The following KLHL29 variants were observed in gnomAD, a reference collection of about 807,000 sequenced individuals.
The protein encoded by KLHL29 is kelch like family member 29.
KLHL29 carries 21 observed loss-of-function variants against 80.4 expected under a neutral mutation model. The observed-to-expected ratio is 0.26, with a 90% CI of 0.19 to 0.38. The LOEUF (loss-of-function observed/expected upper bound fraction) is 0.38, where lower values mean the gene tolerates loss of function less well. Ranked by LOEUF, KLHL29 falls within the 10% of genes least tolerant of loss-of-function variation. The pLI, the probability that KLHL29 is intolerant of heterozygous loss-of-function variation, is 1.00. For missense variants in KLHL29, 867 were observed against 1,223.9 expected, an observed-to-expected ratio of 0.71 and a Z score of 4.35; for synonymous variants, 511 against 526.8, an observed-to-expected ratio of 0.97 and a Z score of 0.41.
chr2:23,675,565 C>G (rs550135310), intron 5 of KLHL29, among the ~76,000 whole-genome samples: 12 of 152,298 alleles, frequency 7.9e-5, no homozygotes, highest in African/African-American at 2.9e-4. Flanking sequence ...TGGAGAGAAC[C>G]CTGTTCTGCA....
intron 6 of KLHL29, among the ~76,000 whole-genome samples, chr2:23,687,765 C>T (rs960941636): frequency 6.6e-6 from 1 of 152,290 alleles, no homozygotes; most frequent in African/African-American, 2.4e-5. Flanking sequence ...GGGAGGGGGT[C>T]TCAGGTCCCA....
At chr2:23,588,082 G>C (rs527238949) in intron 3 of KLHL29, among the ~76,000 whole-genome samples, 4 of 152,308 alleles carry the variant, frequency 2.6e-5, no homozygotes, top group Admixed American at 2.6e-4. Context: ...TGACAATTCT[G>C]GATGACCTGG....
In KLHL29 at chr2:23,703,916, AG is replaced by A. The variant is rs1197240809; in HGVS notation, c.2444+57del. ...GCTGGGACGGAGGAGTGGGAGGAGG[AG>A]GGGTGTGACCACAATGATTTCCTGC... On this transcript the variant is annotated intron_variant, in intron 13 of 13. Transcript: ENST00000486442. 2.0e-6 allele frequency: 3 copies of A among 1,497,630 alleles called. No homozygotes were observed. The African/African-American group carries it at 4.2e-5, about 21-fold the overall frequency. The allele number at this position is 1,497,630 out of a possible 1,614,324, so 92.8% of individuals were successfully genotyped here.
chr2:23,647,866 G>A lies in KLHL29; in HGVS notation c.940+5016G>A, dbSNP rs571044212. 2.6e-4 allele frequency among the ~76,000 whole-genome samples: 39 copies of A among 152,160 alleles called. No homozygotes were observed. Among genetic ancestry groups the A allele is most frequent in the Non-Finnish European group, 4.9e-4 (33 of 68,008 alleles). On this transcript the variant is annotated intron_variant, in intron 5 of 13. Coordinates refer to ENST00000486442, the MANE Select transcript of KLHL29 (RefSeq NM_052920.2). The surrounding 1 kb of genome is among the most constrained non-coding windows in gnomAD (Gnocchi z 4.9). ...GTGAGACCATTCGACTGTGAGCCCC[G>A]GGGTCAGGGGCAGCAAGGATGCTAT... is the stretch of plus-strand genomic sequence containing the variant.
chr2:23,556,413 C>T (rs1460604235), intron 2 of KLHL29, among the ~76,000 whole-genome samples: 1 of 151,612 alleles, frequency 6.6e-6, no homozygotes, highest in Admixed American at 6.6e-5. Context: ...CCAAAGTGGG[C>T]GGATCACTTG....
chr2:23,484,153 A>G (rs915738206), intron 2 of KLHL29, among the ~76,000 whole-genome samples: 2 of 152,148 alleles, frequency 1.3e-5, no homozygotes, highest in East Asian at 1.9e-4. Context: ...AGGTCACAGA[A>G]TGACCATCGC....
chr2:23,533,752 G>A (rs1666575787), intron 2 of KLHL29, among the ~76,000 whole-genome samples: 1 of 152,188 alleles, frequency 6.6e-6, no homozygotes, highest in South Asian at 2.1e-4. Context: ...ATTTCCTTGT[G>A]CTGACAATCT....
intron 2 of KLHL29, chr2:23,524,368 A>C: frequency 5.3e-6 from 1 of 187,176 alleles, no homozygotes; most frequent in South Asian, 1.1e-4. Context: ...AGGCCAGGAA[A>C]TACCTTTAGG....
At chr2:23,536,668 G>C (rs1358011089) in intron 2 of KLHL29, among the ~76,000 whole-genome samples, 1 of 152,136 alleles carries the variant, frequency 6.6e-6, no homozygotes, top group Admixed American at 6.5e-5. Context: ...CTTGAGTCCT[G>C]ATCTCTCTCC....
At chr2:23,433,896 G>A (rs1572509053) in intron 1 of KLHL29, among the ~76,000 whole-genome samples, 1 of 152,186 alleles carries the variant, frequency 6.6e-6, no homozygotes, top group Admixed American at 6.5e-5. Flanking sequence ...TCCAGCCTGG[G>A]CAATAGAGCA....
chr2:23,577,024 AC>A (rs1667859332), intron 3 of KLHL29, among the ~76,000 whole-genome samples: 1 of 151,766 alleles, frequency 6.6e-6, no homozygotes, highest in African/African-American at 2.4e-5. Context: ...GTCCTGAAGG[AC>A]TCCACCACCT....
chr2:23,544,022 AT>A (rs1456803025), intron 2 of KLHL29, among the ~76,000 whole-genome samples: 2 of 152,206 alleles, frequency 1.3e-5, no homozygotes, highest in East Asian at 3.8e-4. Flanking sequence ...CCCCTTCCCC[AT>A]GGCCGCTGGC....
At chr2:23,470,237 T>C (rs965617271) in intron 1 of KLHL29, among the ~76,000 whole-genome samples, 3 of 152,166 alleles carry the variant, frequency 2.0e-5, no homozygotes, top group African/African-American at 7.2e-5. Flanking sequence ...GGAAGCCTCC[T>C]TGGGTGGCAC....
At chr2:23,571,370 G>C (rs1366267249) in intron 3 of KLHL29, among the ~76,000 whole-genome samples, 1 of 152,164 alleles carries the variant, frequency 6.6e-6, no homozygotes, top group Non-Finnish European at 1.5e-5. Context: ...GGTCTGTAGT[G>C]GGCATTGCTG....
chr2:23,501,460 G>A (rs1242967378), intron 2 of KLHL29, among the ~76,000 whole-genome samples: 1 of 152,118 alleles, frequency 6.6e-6, no homozygotes, highest in Non-Finnish European at 1.5e-5. Context: ...CATGGGCATC[G>A]AGGACAGGAC....
intron 2 of KLHL29, among the ~76,000 whole-genome samples, chr2:23,532,915 G>A (rs73919740): frequency 2.4e-4 from 36 of 152,204 alleles, no homozygotes; most frequent in African/African-American, 8.7e-4. Context: ...GTGTGTGCAC[G>A]TGGGCCGAGA....
chr2:23,460,899 C>G (rs940023888), intron 1 of KLHL29, among the ~76,000 whole-genome samples: 16 of 152,142 alleles, frequency 1.1e-4, no homozygotes, highest in African/African-American at 3.9e-4. Flanking sequence ...TCCAGCAGTT[C>G]CGGGCAGAGG....
chr2:23,394,159 G>A (rs1474042400), intron 1 of KLHL29, among the ~76,000 whole-genome samples: 3 of 152,238 alleles, frequency 2.0e-5, no homozygotes, highest in Non-Finnish European at 4.4e-5. Flanking sequence ...GTGGTGAAGA[G>A]CGGTGAAATT....
chr2:23,469,060 T>C (rs1012141184), intron 1 of KLHL29, among the ~76,000 whole-genome samples: 1 of 152,222 alleles, frequency 6.6e-6, no homozygotes, highest in Admixed American at 6.5e-5. Flanking sequence ...TTGCCTGTTG[T>C]TTTGCTTTAC....
Sources: gnomAD v4.1 joint callset for allele counts (sites outside exome capture counted in the v4.1 genomes callset) on GRCh38, gnomAD v4.1.1 for gene constraint, Gnocchi (gnomAD v3.1) non-coding constraint, MANE v1.5 for transcripts, NCBI Gene and HGNC (gene_info 2026-07-23, HGNC 2026-07-21) for gene names.